Variants in CDH13 observed in about 807,000 individuals in gnomAD.
CDH13 encodes the protein cadherin-13.
Under a neutral mutation model 63.8 loss-of-function variants are expected in CDH13, and 24 were observed. That is an observed-to-expected ratio of 0.38 (90% CI 0.27 to 0.53). The LOEUF is 0.53. CDH13 is among the 20% of genes least tolerant of loss of function. The probability of loss-of-function intolerance (pLI) is 0.85; values close to 1 mark genes in which losing one functional copy is unlikely to be tolerated. For synonymous variants in CDH13, 503 were observed against 355.3 expected (o/e 1.42, Z -4.67); for missense variants, 1,049 against 903.1 (o/e 1.16, Z -2.07).
chr16:83,743,389 G>T (rs1185663919), intron 10 of CDH13, among the ~76,000 whole-genome samples: 1 of 152,118 alleles, frequency 6.6e-6, no homozygotes. Context: ...AGGCCTAACC[G>T]TGCTGAGTAT....
At chr16:83,591,019 T>A (rs1906693201) in intron 7 of CDH13, among the ~76,000 whole-genome samples, 1 of 148,850 alleles carries the variant, frequency 6.7e-6, no homozygotes, top group South Asian at 2.2e-4. Flanking sequence ...CAAGTGATCC[T>A]CCTGCCTCAG....
chr16:82,810,859 C>T (rs1034399441), intron 1 of CDH13, among the ~76,000 whole-genome samples: 6 of 149,682 alleles, frequency 4.0e-5, no homozygotes, highest in African/African-American at 1.5e-4. Context: ...TAATAGGATT[C>T]GGGGTGATTG....
chr16:83,574,017 A>G (rs1363333031), intron 7 of CDH13, among the ~76,000 whole-genome samples: 1 of 152,098 alleles, frequency 6.6e-6, no homozygotes, highest in Non-Finnish European at 1.5e-5. Flanking sequence ...GTATAAAGGT[A>G]TCTCCAAGCC....
At chr16:83,159,652 C>G (rs1477232883) in intron 4 of CDH13, among the ~76,000 whole-genome samples, 2 of 152,168 alleles carry the variant, frequency 1.3e-5, no homozygotes, top group African/African-American at 2.4e-5. Context: ...ACAGTGGTCA[C>G]TAAAGGGGAT....
Position 82,867,209 on chromosome 16 carries a change from G to T in CDH13, c.157+8736G>T, listed in dbSNP as rs111655709. On this transcript the variant is annotated intron_variant, in intron 2 of 13. Coordinates refer to ENST00000567109, the MANE Select transcript of CDH13 (RefSeq NM_001257.5). ...TGAGATCATACTGCTTATAATTGGT[G>T]GTGTCAAAATTTGAACCCAGGATTT... is the stretch of plus-strand genomic sequence containing the variant. Among the ~76,000 whole-genome samples the T allele has an allele frequency of 4.4e-3, 668 of 152,220 alleles. 4 individuals carry two copies. The highest frequency in any genetic ancestry group is 0.014 in the African/African-American group (576 of 41,526).
At chr16:82,789,092 G>C (rs577850989) in intron 1 of CDH13, among the ~76,000 whole-genome samples, 7 of 152,252 alleles carry the variant, frequency 4.6e-5, no homozygotes, top group African/African-American at 1.7e-4. Context: ...CTTTCCAGCT[G>C]ATAAGGCAAT....
chr16:82,865,624 T>C (rs1028462901), intron 2 of CDH13, among the ~76,000 whole-genome samples: 1 of 152,156 alleles, frequency 6.6e-6, no homozygotes, highest in Non-Finnish European at 1.5e-5. Flanking sequence ...ATGAGACCAT[T>C]TTTTCCTCCT....
rs574166014 is a variant in CDH13 at position 83,254,422 on chromosome 16, C to T, written c.636+36925C>T. ...AGTTTCAGGTGTTCTTCCTCACCACCATCACCATGAGCAAAATGGATTATT... is the reference window on the plus strand; with the variant it reads ...AGTTTCAGGTGTTCTTCCTCACCACTATCACCATGAGCAAAATGGATTATT... On this transcript the variant is annotated intron_variant, in intron 5 of 13. Coordinates refer to ENST00000567109, the MANE Select transcript of CDH13 (RefSeq NM_001257.5). Among the ~76,000 whole-genome samples the T allele has an allele frequency of 6.6e-5, 10 of 152,254 alleles. No homozygotes were observed. In the East Asian group the frequency reaches 1.9e-3, roughly 29 times the overall value.
chr16:82,934,929 T>C (rs1213770418), intron 2 of CDH13, among the ~76,000 whole-genome samples: 1 of 152,230 alleles, frequency 6.6e-6, no homozygotes, highest in Non-Finnish European at 1.5e-5. Context: ...TTTTCCTGTG[T>C]TCTTCTGAGT....
At chr16:82,997,133 GGTGGTGATGAT>G (rs1912326052) in intron 2 of CDH13, among the ~76,000 whole-genome samples, 1 of 142,862 alleles carries the variant, frequency 7.0e-6, no homozygotes, top group South Asian at 2.1e-4. Flanking sequence ...TGGTGGTGAT[GGTGGTGATGAT>G]GGTGATGATG....
At chr16:83,161,560 A>C (rs1321576366) in intron 4 of CDH13, among the ~76,000 whole-genome samples, 1 of 152,176 alleles carries the variant, frequency 6.6e-6, no homozygotes, top group African/African-American at 2.4e-5. Context: ...CAAATTAAGC[A>C]TTATGTCTTT....
intron 6 of CDH13, among the ~76,000 whole-genome samples, chr16:83,420,192 G>A (rs925551471): frequency 6.6e-6 from 1 of 152,090 alleles, no homozygotes; most frequent in African/African-American, 2.4e-5. Context: ...TACTCTCAAG[G>A]AACTAAATCG....
intron 1 of CDH13, among the ~76,000 whole-genome samples, chr16:82,656,026 C>T (rs192437910): frequency 6.6e-6 from 1 of 152,030 alleles, no homozygotes; most frequent in Non-Finnish European, 1.5e-5. Flanking sequence ...TGAGAGTTAC[C>T]GTGCAAGGCA....
At chr16:82,936,034 G>T (rs1315203773) in intron 2 of CDH13, among the ~76,000 whole-genome samples, 1 of 152,084 alleles carries the variant, frequency 6.6e-6, no homozygotes, top group African/African-American at 2.4e-5. Flanking sequence ...GGGCAAGGCT[G>T]GTCACCCCAC....
chr16:83,078,930 G>A (rs80337913), intron 3 of CDH13, among the ~76,000 whole-genome samples: 3,958 of 152,200 alleles, frequency 0.026, 169 homozygotes, highest in African/African-American at 0.089. Flanking sequence ...AAGTAGCTGG[G>A]ATTACACGTG....
intron 1 of CDH13, among the ~76,000 whole-genome samples, chr16:82,773,682 T>G (rs1389004876): frequency 6.6e-6 from 1 of 152,220 alleles, no homozygotes; most frequent in Non-Finnish European, 1.5e-5. Flanking sequence ...CATTATGAAG[T>G]AACTGACCTG....
intron 1 of CDH13, among the ~76,000 whole-genome samples, chr16:82,648,021 T>C (rs7194506): frequency 0.22 from 34,149 of 152,078 alleles, 5,305 homozygotes; most frequent in African/African-American, 0.44. Context: ...CCCCTGCACA[T>C]GCTCTCTTGC....
intron 11 of CDH13, among the ~76,000 whole-genome samples, chr16:83,776,946 A>G (rs959673397): frequency 2.4e-5 from 3 of 124,754 alleles, no homozygotes; most frequent in African/African-American, 1.0e-4. Context: ...CAGCCTGGGC[A>G]CTTCCGCCAA....
At chr16:83,418,356 A>G (rs9674268) in intron 6 of CDH13, among the ~76,000 whole-genome samples, 31,458 of 152,152 alleles carry the variant, frequency 0.21, 3,875 homozygotes, top group East Asian at 0.57. Flanking sequence ...AGCATCCTAG[A>G]AAATTATAAT....
Sources: allele counts gnomAD v4.1 joint callset (sites outside exome capture counted in the v4.1 genomes callset), GRCh38; gene constraint gnomAD v4.1.1; transcripts MANE v1.5; gene names NCBI Gene and HGNC (gene_info 2026-07-23, HGNC 2026-07-21).